Variants in DHRSX observed in about 807,000 individuals in gnomAD.
DHRSX encodes polyprenol dehydrogenase.
A neutral mutation model predicts 34.0 loss-of-function variants in DHRSX; 31 were observed. That is an observed-to-expected ratio of 0.91 (90% CI 0.69 to 1.23). The LOEUF (loss-of-function observed/expected upper bound fraction) is 1.23, where lower values mean the gene tolerates loss of function less well. Among genes scored for constraint, DHRSX ranks in the 50% most tolerant of loss-of-function variants. DHRSX has a pLI of 0.00. For synonymous variants in DHRSX, 201 were observed against 183.8 expected, an observed-to-expected ratio of 1.09 and a Z score of -0.76; for missense variants, 414 against 428.1, an observed-to-expected ratio of 0.97 and a Z score of 0.29.
intron 1 of DHRSX, among the ~76,000 whole-genome samples, chrX:2,437,839 G>A (rs186954077): frequency 1.6e-4 from 24 of 151,912 alleles, no homozygotes; most frequent in Non-Finnish European, 2.1e-4. Flanking sequence ...TGTAACTTAG[G>A]TTCTTATAGA....
chrX:2,387,926 G>T (rs1028549929), intron 3 of DHRSX, among the ~76,000 whole-genome samples: 13 of 91,036 alleles, frequency 1.4e-4, no homozygotes, highest in African/African-American at 4.7e-4. Flanking sequence ...AAAAAAAAAC[G>T]GGATTCCCTC....
At chrX:2,346,662 GTTGT>G (rs1328572277) in intron 3 of DHRSX, among the ~76,000 whole-genome samples, 5 of 150,558 alleles carry the variant, frequency 3.3e-5, no homozygotes, top group Admixed American at 1.3e-4. Flanking sequence ...TTTTGTTGTT[GTTGT>G]TTAATACTTT....
intron 3 of DHRSX, among the ~76,000 whole-genome samples, chrX:2,357,699 T>C (rs1220839577): frequency 2.7e-5 from 3 of 111,272 alleles, no homozygotes; most frequent in African/African-American, 1.1e-4. Context: ...ACTCAGGAAA[T>C]TAAAAAAAAA....
intron 3 of DHRSX, among the ~76,000 whole-genome samples, chrX:2,349,236 T>C (rs946521074): frequency 6.6e-6 from 1 of 151,776 alleles, no homozygotes; most frequent in Non-Finnish European, 1.5e-5. Context: ...CACCAAGATA[T>C]GGAATGAACC....
intron 1 of DHRSX, among the ~76,000 whole-genome samples, chrX:2,451,848 G>A (rs1428390441): frequency 1.3e-5 from 2 of 152,108 alleles, no homozygotes; most frequent in Non-Finnish European, 2.9e-5. Context: ...AGGGACTGCT[G>A]CCGTGTACAC....
At chrX:2,489,107 G>C (rs139100576) in intron 1 of DHRSX, 23 of 1,613,470 alleles carry the variant, frequency 1.4e-5, no homozygotes, top group Non-Finnish European at 1.9e-5. Context: ...GGCGGGCGGC[G>C]GCGTGGATGT....
chrX:2,324,657 A>G (rs1324894080), intron 3 of DHRSX, among the ~76,000 whole-genome samples: 2 of 152,120 alleles, frequency 1.3e-5, no homozygotes, highest in Non-Finnish European at 2.9e-5. Context: ...TCGGCAATAT[A>G]GTACTCCACC....
intron 3 of DHRSX, among the ~76,000 whole-genome samples, chrX:2,383,626 C>T (rs762842100): frequency 3.3e-5 from 5 of 152,234 alleles, no homozygotes; most frequent in Admixed American, 6.5e-5. Context: ...GTATTTTATT[C>T]CTTTGGCCAG....
intron 1 of DHRSX, among the ~76,000 whole-genome samples, chrX:2,432,944 G>A (rs995318596): frequency 1.2e-4 from 18 of 152,084 alleles, no homozygotes; most frequent in African/African-American, 4.1e-4. Context: ...GAAACAGAGA[G>A]AGGCCTCATC....
chrX:2,484,808 G>C lies in DHRSX; in HGVS notation c.109+16009C>G, dbSNP rs763983621. On this transcript the variant is annotated intron_variant, in intron 1 of 6. Transcript: ENST00000334651. ...GACTCGCAGAAGGCGCAGGAAGATG[G>C]TCGGAACAAAAGCAGGAGCTGGCTG... Among the ~76,000 whole-genome samples the C allele has an allele frequency of 1.7e-4, 26 of 152,148 alleles. No individual in the cohort carries two copies. In the South Asian group the frequency reaches 4.6e-3, roughly 27 times the overall value.
At chrX:2,408,418 C>T (rs1006391749) in intron 3 of DHRSX, among the ~76,000 whole-genome samples, 1 of 152,184 alleles carries the variant, frequency 6.6e-6, no homozygotes, top group African/African-American at 2.4e-5. Context: ...GAGGCACCTC[C>T]TGGCATGTGC....
At chrX:2,254,981 A>C (rs1482525752) in intron 5 of DHRSX, among the ~76,000 whole-genome samples, 1 of 93,966 alleles carries the variant, frequency 1.1e-5, no homozygotes, top group Non-Finnish European at 1.9e-5. Flanking sequence ...TTTTTTTGAG[A>C]GGGAGTCTTG....
At chrX:2,363,504 G>A (rs1471126626) in intron 3 of DHRSX, among the ~76,000 whole-genome samples, 2 of 141,096 alleles carry the variant, frequency 1.4e-5, no homozygotes, top group African/African-American at 2.7e-5. Context: ...CCGTTCTATG[G>A]TATCATGCCT....
chrX:2,304,338 C>T (rs868208858), intron 3 of DHRSX, among the ~76,000 whole-genome samples: 5 of 84,434 alleles, frequency 5.9e-5, no homozygotes, highest in Admixed American at 1.2e-4. Context: ...GATGGATGAA[C>T]TGATGGATGG....
Position 2,477,852 on chromosome X carries a change from C to CAAAA in DHRSX, c.109+22961_109+22964dup, listed in dbSNP as rs772395587. 1.9e-3 allele frequency among the ~76,000 whole-genome samples: 237 copies of CAAAA among 125,802 alleles called. 2 individuals are homozygous for CAAAA. Among genetic ancestry groups the CAAAA allele is most frequent in the African/African-American group, 5.3e-3 (191 of 35,978 alleles). 82.5% of individuals were successfully genotyped at this position (125,802 alleles called of 152,430 possible). A position where few individuals can be genotyped will look rare whatever the true frequency, so the allele number is the denominator to read the frequency against. ...AGGGTGACAGAGCAAGACTCCGTCTCAAAAAAAAAAAAAAGAATGAAAGGT... is the reference window on the plus strand; with the variant it reads ...AGGGTGACAGAGCAAGACTCCGTCTCAAAAAAAAAAAAAAAAAAGAATGAAAGGT... On this transcript the variant is annotated intron_variant, in intron 1 of 6. Transcript: ENST00000334651.
chrX:2,473,863 G>A lies in DHRSX; in HGVS notation c.109+26954C>T, dbSNP rs2044631487. On this transcript the variant is annotated intron_variant, in intron 1 of 6. Transcript: ENST00000334651. ...ATCTGGGTGGGGCTGGGGAGCTGCA[G>A]TGCCAGAAAGATAATGAAGCCTTGG... Among the ~76,000 whole-genome samples the A allele has an allele frequency of 1.4e-5, 2 of 141,506 alleles. 1 individual carries two copies. The highest frequency in any genetic ancestry group is 5.9e-5 in the African/African-American group (2 of 33,790). The allele number at this position is 141,506 out of a possible 152,430, so 92.8% of individuals were successfully genotyped here. A position where few individuals can be genotyped will look rare whatever the true frequency, so the allele number is the denominator to read the frequency against.
chrX:2,256,201 G>C (rs773283594), intron 5 of DHRSX, among the ~76,000 whole-genome samples: 2 of 141,330 alleles, frequency 1.4e-5, no homozygotes, highest in Admixed American at 7.1e-5. Context: ...CACCATGTTG[G>C]CCAGGATGGT....
intron 3 of DHRSX, among the ~76,000 whole-genome samples, chrX:2,396,177 A>C (rs1317014839): frequency 1.3e-5 from 2 of 152,016 alleles, no homozygotes; most frequent in South Asian, 2.1e-4. Flanking sequence ...GTCTCCTACA[A>C]GGACAGCTAT....
intron 3 of DHRSX, among the ~76,000 whole-genome samples, chrX:2,382,263 G>A (rs1182045126): frequency 6.6e-6 from 1 of 152,124 alleles, no homozygotes; most frequent in Non-Finnish European, 1.5e-5. Context: ...GCTATGGAAG[G>A]AGGGCAGAGT....
Sources: allele counts gnomAD v4.1 joint callset (sites outside exome capture counted in the v4.1 genomes callset), GRCh38; gene constraint gnomAD v4.1.1; transcripts MANE v1.5; gene names NCBI Gene and HGNC (gene_info 2026-07-23, HGNC 2026-07-21).